KCNJ16: variants seen among roughly 807,000 people sequenced by gnomAD.
The protein encoded by KCNJ16 is inward rectifier potassium channel 16.
KCNJ16 carries 15 observed loss-of-function variants against 18.5 expected under a neutral mutation model. The observed-to-expected ratio is 0.81, with a 90% CI of 0.54 to 1.25. KCNJ16 has a LOEUF of 1.25. Ranked by LOEUF, KCNJ16 falls within the 50% of genes most tolerant of loss-of-function variation. The pLI, the probability that KCNJ16 is intolerant of heterozygous loss-of-function variation, is 0.00. For missense variants in KCNJ16, 523 were observed against 525.7 expected (o/e 0.99, Z 0.05); for synonymous variants, 174 against 186.5 (o/e 0.93, Z 0.55).
At chr17:70,102,178 A>G (rs2072660211) in intron 2 of KCNJ16, 1 of 149,116 alleles carries the variant, frequency 6.7e-6, no homozygotes, top group East Asian at 2.0e-4. Context: ...GAGACCAATC[A>G]GGACACCTTC....
chr17:70,120,359 T>G (rs1464671892), intron 2 of KCNJ16, among the ~76,000 whole-genome samples: 2 of 152,218 alleles, frequency 1.3e-5, no homozygotes, highest in Non-Finnish European at 2.9e-5. Context: ...GTCATTCAGT[T>G]TCAAAGCCAC....
rs761721939 is a variant in KCNJ16, at chr17:70,132,810, C to A, written c.723C>A (p.Val241=). Reference sequence around the variant, plus strand: ...TGGCATTTAAAGACCTCAAATTAGTCAACGACCAAATCATCCTGGTCACCC... The same window carrying A: ...TGGCATTTAAAGACCTCAAATTAGTAAACGACCAAATCATCCTGGTCACCC... ...MTMAFKDLKL[V]NDQIILVTPV... Residue 241 remains valine, a synonymous_variant, in exon 4 of 4, where the codon GTC becomes GTA. Transcript: ENST00000392671. 1 of 1,613,962 alleles carries A rather than the reference C, an allele frequency of 6.2e-7. No individual in the cohort carries two copies. The highest frequency in any genetic ancestry group is 8.5e-7 in the Non-Finnish European group (1 of 1,180,026).
At position 70,108,306 on chromosome 17, in the gene KCNJ16, C is replaced by T. The variant is rs532900977; in HGVS notation, c.-191+7540C>T. ...TTTCTTTTTCCTGATTTCAGACATC[C>T]ACATTCCACCCTGGGCCTTGCCCGT... On this transcript the variant is annotated intron_variant, in intron 2 of 3. Transcript: ENST00000392671. The T allele has an allele frequency of 9.3e-4, 141 of 152,308 alleles. 4 individuals are homozygous for T. The South Asian group carries it at 0.023, about 25-fold the overall frequency. The allele number at this position is 152,308 out of a possible 1,614,324, so 9.4% of individuals were successfully genotyped here. A position where few individuals can be genotyped will look rare whatever the true frequency, so the allele number is the denominator to read the frequency against.
At chr17:70,094,403 C>T (rs984084606) in intron 1 of KCNJ16, among the ~76,000 whole-genome samples, 30 of 152,216 alleles carry the variant, frequency 2.0e-4, no homozygotes, top group Admixed American at 9.8e-4. Flanking sequence ...TTGTATCTTT[C>T]TACAAGAGAA....
intron 1 of KCNJ16, among the ~76,000 whole-genome samples, chr17:70,091,734 T>C (rs540671858): frequency 6.6e-6 from 1 of 152,210 alleles, no homozygotes; most frequent in Admixed American, 6.5e-5. Flanking sequence ...AGGGCTTCAT[T>C]AGACACTTAA....
chr17:70,092,668 T>C (rs1280120749), intron 1 of KCNJ16, among the ~76,000 whole-genome samples: 2 of 152,136 alleles, frequency 1.3e-5, no homozygotes, highest in African/African-American at 2.4e-5. Flanking sequence ...AGTCCCACAA[T>C]ATGCCATCTG....
chr17:70,078,131 T>G (rs2071395727), intron 1 of KCNJ16, among the ~76,000 whole-genome samples: 1 of 152,126 alleles, frequency 6.6e-6, no homozygotes, highest in Non-Finnish European at 1.5e-5. Context: ...CTCACCTTGT[T>G]CCAGAAAGTT....
chr17:70,075,381 G>T lies in KCNJ16; in HGVS notation c.-309G>T, dbSNP rs1314574375. The T allele has an allele frequency of 6.6e-6, 1 of 152,200 alleles. No homozygotes were observed. Among genetic ancestry groups the T allele is most frequent in the Non-Finnish European group, 1.5e-5 (1 of 68,036 alleles). 9.4% of individuals were successfully genotyped at this position (152,200 alleles called of 1,614,324 possible). ...AGCTCATAGATTCTCTGTGGGGAGA[G>T]TGAATAAAGGTAAGTGCTATTATTG... On this transcript the variant is annotated 5_prime_UTR_variant, in exon 1 of 4. Transcript: ENST00000392671.
intron 1 of KCNJ16, among the ~76,000 whole-genome samples, chr17:70,080,874 T>A (rs1025344409): frequency 6.6e-6 from 1 of 152,182 alleles, no homozygotes; most frequent in Non-Finnish European, 1.5e-5. Flanking sequence ...CTCAAAATTG[T>A]TCGCTAGATC....
At chr17:70,075,533 A>T (rs2143468721) in intron 1 of KCNJ16, 143 bp downstream of exon 1, 1 of 152,308 alleles carries the variant, frequency 6.6e-6, no homozygotes, top group South Asian at 2.1e-4. Flanking sequence ...AGATAATTTA[A>T]TTTTTTATCC....
In KCNJ16 at chr17:70,083,850, T is replaced by C. The variant is rs115502323; in HGVS notation, c.-300+8460T>C. 5.2e-3 allele frequency among the ~76,000 whole-genome samples: 789 copies of C among 152,166 alleles called. 3 individuals carry two copies. Among genetic ancestry groups the C allele is most frequent in the African/African-American group, 0.018 (755 of 41,514 alleles). The stretch of plus-strand genomic sequence containing the variant: ...TGTAGGGCAGGCAATTGGAAGGACA[T>C]AGTGGTGTGAAGTGGAGGAAGATAG... On this transcript the variant is annotated intron_variant, in intron 1 of 3. Coordinates refer to ENST00000392671, the MANE Select transcript of KCNJ16 (RefSeq NM_170741.4).
At chr17:70,126,468 T>A (rs1444597959) in intron 2 of KCNJ16, among the ~76,000 whole-genome samples, 2 of 152,226 alleles carry the variant, frequency 1.3e-5, no homozygotes, top group African/African-American at 4.8e-5. Flanking sequence ...ATGACTCTTG[T>A]GTGCCTGGCA....
At chr17:70,111,968 G>A (rs561404047) in intron 2 of KCNJ16, among the ~76,000 whole-genome samples, 1 of 151,992 alleles carries the variant, frequency 6.6e-6, no homozygotes, top group Non-Finnish European at 1.5e-5. Flanking sequence ...TAACTAATAC[G>A]GTCACCAATC....
At chr17:70,080,392 T>C (rs981299300) in intron 1 of KCNJ16, among the ~76,000 whole-genome samples, 1 of 152,182 alleles carries the variant, frequency 6.6e-6, no homozygotes, top group Non-Finnish European at 1.5e-5. Flanking sequence ...TTAAAATTAT[T>C]TTCATAATGC....
At chr17:70,081,953 G>A (rs1164812758) in intron 1 of KCNJ16, among the ~76,000 whole-genome samples, 2 of 152,138 alleles carry the variant, frequency 1.3e-5, no homozygotes, top group African/African-American at 4.8e-5. Flanking sequence ...CAGTGACCAT[G>A]CTGCCACTCA....
At chr17:70,111,620 T>A (rs2073187744) in intron 2 of KCNJ16, among the ~76,000 whole-genome samples, 1 of 152,034 alleles carries the variant, frequency 6.6e-6, no homozygotes, top group Non-Finnish European at 1.5e-5. Context: ...ACTGATATGG[T>A]TTGGCTGTGT....
At chr17:70,089,664 G>A (rs921534674) in intron 1 of KCNJ16, among the ~76,000 whole-genome samples, 13 of 152,156 alleles carry the variant, frequency 8.5e-5, no homozygotes, top group African/African-American at 2.7e-4. Flanking sequence ...TTGCTGGGAA[G>A]GAGGGAAAAC....
intron 2 of KCNJ16, among the ~76,000 whole-genome samples, chr17:70,103,508 CAT>C (rs750839750): frequency 5.3e-4 from 80 of 151,842 alleles, no homozygotes; most frequent in South Asian, 1.7e-3. Flanking sequence ...CTTCGTATCA[CAT>C]GTCACAATTT....
intron 2 of KCNJ16, among the ~76,000 whole-genome samples, chr17:70,116,302 G>A (rs2073401937): frequency 6.6e-6 from 1 of 151,916 alleles, no homozygotes; most frequent in Non-Finnish European, 1.5e-5. Context: ...GTAATCATAT[G>A]ATTGTACCAT....
Sources: allele counts gnomAD v4.1 joint callset (sites outside exome capture counted in the v4.1 genomes callset), GRCh38; gene constraint gnomAD v4.1.1; transcripts MANE v1.5; gene names NCBI Gene and HGNC (gene_info 2026-07-23, HGNC 2026-07-21).